The following HEXB variants were observed in gnomAD, a reference collection of about 807,000 sequenced individuals.
HEXB encodes beta-hexosaminidase subunit beta.
A neutral mutation model predicts 71.2 loss-of-function variants in HEXB; 51 were observed. That is an observed-to-expected ratio of 0.72 (90% CI 0.57 to 0.90). The LOEUF is 0.90. Among genes scored for constraint, HEXB ranks in the 40% least tolerant of loss-of-function variants. HEXB has a pLI of 0.00. For synonymous variants in HEXB, 266 were observed against 249.3 expected (o/e 1.07, Z -0.63); for missense variants, 617 against 677.0 (o/e 0.91, Z 0.98).
rs78084621 is a variant in HEXB at position 74,715,459 on chromosome 5, CT to C, written c.902-48del. The C allele has an allele frequency of 0.11, 143,377 of 1,267,100 alleles. 9,255 individuals carry two copies. The highest frequency in any genetic ancestry group is 0.24 in the Admixed American group (13,712 of 57,886). The allele number at this position is 1,267,100 out of a possible 1,614,324, so 78.5% of individuals were successfully genotyped here. ...AGTAAAATCATGTGGAAAACCAGAT[CT>C]TTATAATGAGTACACTTCTTTTAAA... is the stretch of plus-strand genomic sequence containing the variant. On this transcript the variant is annotated intron_variant, in intron 7 of 13. Transcript: ENST00000261416.
At chr5:74,708,526 G>A (rs185674756) in intron 6 of HEXB, among the ~76,000 whole-genome samples, 9,591 of 151,726 alleles carry the variant, frequency 0.063, 675 homozygotes, top group African/African-American at 0.17. Flanking sequence ...ACCCATCAGT[G>A]TGTTGGATTC....
At chr5:74,719,702 G>A (rs1029685223) in intron 11 of HEXB, among the ~76,000 whole-genome samples, 1 of 152,176 alleles carries the variant, frequency 6.6e-6, no homozygotes, top group African/African-American at 2.4e-5. Flanking sequence ...CCAGCACTTT[G>A]GGAGGCCGAG....
chr5:74,683,235 G>A (rs796528515), upstream of HEXB, among the ~76,000 whole-genome samples: 1 of 152,054 alleles, frequency 6.6e-6, no homozygotes, highest in African/African-American at 2.4e-5. Flanking sequence ...AGAAAGACAC[G>A]GCAAGATTAG....
At chr5:74,704,603 G>T (rs1321881438) in intron 5 of HEXB, among the ~76,000 whole-genome samples, 1 of 152,100 alleles carries the variant, frequency 6.6e-6, no homozygotes, top group Non-Finnish European at 1.5e-5. Flanking sequence ...CCCAAACACA[G>T]TGGCAGCCAA....
At chr5:74,680,505 T>C (rs1748719161), upstream of HEXB, among the ~76,000 whole-genome samples, 6 of 152,218 alleles carry the variant, frequency 3.9e-5, no homozygotes, top group Admixed American at 2.0e-4. Context: ...GTAATTTATA[T>C]GCTAACATTC....
intron 1 of HEXB, among the ~76,000 whole-genome samples, chr5:74,649,325 C>T (rs1199654109): frequency 6.6e-6 from 1 of 152,186 alleles, no homozygotes; most frequent in African/African-American, 2.4e-5. Context: ...TATAAGTTGT[C>T]CTGAGGGCCC....
At chr5:74,688,336 C>CT (rs35044539) in intron 1 of HEXB, among the ~76,000 whole-genome samples, 81,024 of 121,524 alleles carry the variant, frequency 0.67, 28,931 homozygotes, top group Non-Finnish European at 0.74. Flanking sequence ...ACAAAAGGTA[C>CT]TTTTTTTTTT....
chr5:74,698,395 TA>T (rs201157008), intron 5 of HEXB, among the ~76,000 whole-genome samples: 7,518 of 142,174 alleles, frequency 0.053, 654 homozygotes, highest in African/African-American at 0.18. Context: ...TTATTATTAT[TA>T]TTTTTTTTTC....
chr5:74,644,860 C>T (rs556729282), intron 1 of HEXB, among the ~76,000 whole-genome samples: 2 of 149,978 alleles, frequency 1.3e-5, no homozygotes, highest in Admixed American at 1.3e-4. Flanking sequence ...CAACCTCCCC[C>T]TCTCAGATTC....
At chr5:74,683,588 G>T (rs976859457), upstream of HEXB, among the ~76,000 whole-genome samples, 8 of 152,154 alleles carry the variant, frequency 5.3e-5, no homozygotes, top group African/African-American at 1.9e-4. Flanking sequence ...ACAGGCGTGA[G>T]CCACCATGCC....
At chr5:74,677,843 T>C (rs1004319402) in intron 1 of HEXB, among the ~76,000 whole-genome samples, 3 of 152,158 alleles carry the variant, frequency 2.0e-5, no homozygotes, top group Admixed American at 1.3e-4. Flanking sequence ...GTAGTTTTTT[T>C]AGCTCCTTTC....
Position 74,689,467 on chromosome 5 carries a change from G to T in HEXB, c.439G>T (p.Glu147Ter), listed in dbSNP as rs1748946983. 6.2e-7 allele frequency: 1 copy of T among 1,613,338 alleles called. No homozygotes were observed. The highest frequency in any genetic ancestry group is 1.1e-5 in the South Asian group (1 of 91,060). Residue 147 changes from glutamate to a stop codon, truncating the protein, a stop_gained, in exon 2 of 14, where the codon GAG becomes TAG. Transcript: ENST00000261416. LOFTEE classifies it high-confidence loss of function. ...TGCTTTCCCCAACATATCTTCAGATGAGTCTTGTAAGTACCTATGCAATGT... is the reference window on the plus strand; with the variant it reads ...TGCTTTCCCCAACATATCTTCAGATTAGTCTTGTAAGTACCTATGCAATGT... ...CDAFPNISSD[E>*]SYTLLVKEPV...
chr5:74,662,529 A>AT (rs1409800296), intron 1 of HEXB, among the ~76,000 whole-genome samples: 2 of 152,176 alleles, frequency 1.3e-5, no homozygotes, highest in South Asian at 4.1e-4. Flanking sequence ...TCTCAGGTGA[A>AT]TTTTTTTAGA....
intron 3 of HEXB, among the ~76,000 whole-genome samples, chr5:74,694,897 G>C (rs929182939): frequency 6.6e-6 from 1 of 152,082 alleles, no homozygotes; most frequent in Non-Finnish European, 1.5e-5. Flanking sequence ...TTGAACCTGG[G>C]AGAGGGAGGT....
chr5:74,711,122 A>G (rs1367787664), intron 6 of HEXB, among the ~76,000 whole-genome samples: 1 of 151,520 alleles, frequency 6.6e-6, no homozygotes, highest in Non-Finnish European at 1.5e-5. Flanking sequence ...GCCCTCAGAA[A>G]TAACGCTGCA....
At chr5:74,705,182 T>C (rs769591787) in intron 5 of HEXB, 37 bp from the exon 6 acceptor site, 6 of 1,114,072 alleles carry the variant, frequency 5.4e-6, no homozygotes, top group African/African-American at 4.6e-5. Context: ...GTATATGATA[T>C]CTGCAGTAAA....
chr5:74,658,304 G>A (rs1314613149), intron 1 of HEXB, among the ~76,000 whole-genome samples: 1 of 152,190 alleles, frequency 6.6e-6, no homozygotes, highest in East Asian at 1.9e-4. Context: ...CACTCTCCCA[G>A]AAGCACCACC....
At chr5:74,669,716 G>C (rs1256357409) in intron 1 of HEXB, among the ~76,000 whole-genome samples, 2 of 152,118 alleles carry the variant, frequency 1.3e-5, no homozygotes, top group African/African-American at 4.8e-5. Context: ...GCTGGCAGAG[G>C]AGAGAGGGAG....
At chr5:74,689,506 C>A in intron 2 of HEXB, 33 bp downstream of exon 2, 1 of 1,595,768 alleles carries the variant, frequency 6.3e-7, no homozygotes, top group South Asian at 1.1e-5. Context: ...TGTATTATAT[C>A]CCAGGTGCTC....
Sources: allele counts gnomAD v4.1 joint callset (sites outside exome capture counted in the v4.1 genomes callset), GRCh38; gene constraint gnomAD v4.1.1; transcripts MANE v1.5; gene names NCBI Gene and HGNC (gene_info 2026-07-23, HGNC 2026-07-21).